RANGAP1: variants seen among roughly 807,000 people sequenced by gnomAD.
RANGAP1 encodes ran GTPase-activating protein 1.
In RANGAP1, 38 loss-of-function variants were observed where a neutral mutation model predicts 63.5. The ratio of observed to expected loss-of-function variants is 0.60; its 90% CI spans 0.46 to 0.78. The LOEUF (loss-of-function observed/expected upper bound fraction) is 0.78, where lower values mean the gene tolerates loss of function less well. Ranked by LOEUF, RANGAP1 falls within the 30% of genes least tolerant of loss-of-function variation. RANGAP1 has a pLI of 0.00. For synonymous variants in RANGAP1, 329 were observed against 310.5 expected (o/e 1.06, Z -0.63); for missense variants, 630 against 740.3 (o/e 0.85, Z 1.73).
chr22:41,279,654 T>G (rs1301082028), intron 2 of RANGAP1, among the ~76,000 whole-genome samples: 1 of 149,936 alleles, frequency 6.7e-6, no homozygotes, highest in Non-Finnish European at 1.5e-5. Context: ...AAAAAAAAAT[T>G]AGCCAGGCGT....
chr22:41,266,561 C>T (rs985210675), intron 4 of RANGAP1, among the ~76,000 whole-genome samples: 5 of 152,072 alleles, frequency 3.3e-5, no homozygotes, highest in African/African-American at 1.2e-4. Flanking sequence ...GATGGAGTCT[C>T]GCTTTCTCTC....
chr22:41,253,012 G>T, intron 11 of RANGAP1, 21 bp from the exon 12 acceptor site: 1 of 1,436,228 alleles, frequency 7.0e-7, no homozygotes. Context: ...GGGGCACAGA[G>T]GCTCTGGAGA....
intron 7 of RANGAP1, 36 bp from the exon 8 acceptor site, chr22:41,256,860 C>G (rs2033872633): frequency 6.4e-7 from 1 of 1,555,540 alleles, no homozygotes; most frequent in Non-Finnish European, 8.8e-7. Flanking sequence ...AGTGAGGGTG[C>G]AGACCACACC....
At chr22:41,301,065 G>A in the RANGAP1 span, among the ~76,000 whole-genome samples, 1 of 152,124 alleles carries the variant, frequency 6.6e-6, no homozygotes, top group East Asian at 1.9e-4. Flanking sequence ...CGGCCTTGTA[G>A]TCTTTAACAA....
chr22:41,281,600 GC>G, intron 1 of RANGAP1: 2 of 987,406 alleles, frequency 2.0e-6, no homozygotes, highest in South Asian at 4.7e-5. Flanking sequence ...ACAGGGGTCA[GC>G]CCCACTGCAC....
chr22:41,274,577 C>A (rs1256464943), intron 3 of RANGAP1, 23 bp downstream of exon 3: 2 of 1,613,422 alleles, frequency 1.2e-6, no homozygotes, highest in South Asian at 2.2e-5. Flanking sequence ...CCAGCCTGGG[C>A]CTACTCGCCC....
chr22:41,254,398 C>CTCTTCTTCCTCCTCTTCCTCA lies in RANGAP1; in HGVS notation c.1149_1169dup (p.Asp383_Glu389dup). ...GAGGCTCTTCTTCCTCCTCCTCCTC[C>CTCTTCTTCCTCCTCTTCCTCA]TCTTCTTCCTCCTCTTCCTCATCTT... On this transcript the variant is annotated inframe_insertion, in exon 11 of 16. Transcript: ENST00000356244. 1 of 1,607,768 alleles carries CTCTTCTTCCTCCTCTTCCTCA rather than the reference C, an allele frequency of 6.2e-7. No homozygotes were observed. The highest frequency in any genetic ancestry group is 2.2e-5 in the East Asian group (1 of 44,696).
chr22:41,249,663 C>T (rs909798721), intron 14 of RANGAP1, 66 bp downstream of exon 14: 3 of 1,562,936 alleles, frequency 1.9e-6, no homozygotes, highest in Non-Finnish European at 2.6e-6. Flanking sequence ...GCGGGCATGG[C>T]TGGGGCAGCT....
chr22:41,277,681 G>A (rs965303325), intron 2 of RANGAP1, among the ~76,000 whole-genome samples: 1 of 152,184 alleles, frequency 6.6e-6, no homozygotes, highest in African/African-American at 2.4e-5. Context: ...CAGAACCCAA[G>A]GATGGCTCAC....
At chr22:41,247,064 T>A (rs1305294184) in intron 15 of RANGAP1, among the ~76,000 whole-genome samples, 3 of 149,878 alleles carry the variant, frequency 2.0e-5, no homozygotes, top group African/African-American at 7.3e-5. Context: ...TTTCTTTTTC[T>A]TTTTTTTTTG....
intron 15 of RANGAP1, among the ~76,000 whole-genome samples, chr22:41,248,131 A>T (rs114387842): frequency 0.022 from 3,109 of 139,696 alleles, 116 homozygotes; most frequent in African/African-American, 0.078. Context: ...AAAGCTCGGC[A>T]CTGCAGCAAC....
At chr22:41,255,944 A>T in intron 10 of RANGAP1, 77 bp downstream of exon 10, 1 of 1,409,200 alleles carries the variant, frequency 7.1e-7, no homozygotes, top group Non-Finnish European at 9.9e-7. Flanking sequence ...ACAGAGCAAG[A>T]CTCCATCTCA....
intron 3 of RANGAP1, among the ~76,000 whole-genome samples, chr22:41,274,069 C>A (rs1482057294): frequency 6.6e-6 from 1 of 152,214 alleles, no homozygotes; most frequent in Non-Finnish European, 1.5e-5. Context: ...CAGAGTGAGA[C>A]TCCGTCTCAA....
Position 41,246,441 on chromosome 22 carries a change from C to G in RANGAP1, c.*162G>C, listed in dbSNP as rs534776259. 2.1e-4 allele frequency: 145 copies of G among 705,562 alleles called. No individual in the cohort carries two copies. In the African/African-American group the frequency reaches 2.1e-3, roughly 10 times the overall value. 43.7% of individuals were successfully genotyped at this position (705,562 alleles called of 1,614,324 possible). ...GGCACAGACCTGCACATGCGCCACA[C>G]CCACACACATACTCAGGGGACTGAC... On this transcript the variant is annotated 3_prime_UTR_variant, in exon 16 of 16. Coordinates refer to ENST00000356244, the MANE Select transcript of RANGAP1 (RefSeq NM_002883.4).
In RANGAP1 at chr22:41,257,939, T is replaced by C; in HGVS notation, c.774+9A>G. 6.3e-7 allele frequency: 1 copy of C among 1,591,526 alleles called. No homozygotes were observed. The stretch of plus-strand genomic sequence containing the variant: ...CGGGGCCCAACTGGCTCTGCCACAC[T>C]CGCCTCACCTCGGCCATGGCCACGG... On this transcript the variant is annotated intron_variant, in intron 7 of 15. Coordinates refer to ENST00000356244, the MANE Select transcript of RANGAP1 (RefSeq NM_002883.4). This position sits in a 1 kb window ranked among gnomAD's most constrained non-coding sequence, Gnocchi z 4.0.
At chr22:41,289,745 G>A (rs2035816654), upstream of RANGAP1, among the ~76,000 whole-genome samples, 2 of 152,198 alleles carry the variant, frequency 1.3e-5, no homozygotes, top group African/African-American at 4.8e-5. Flanking sequence ...CCTGGCCCAA[G>A]AAGTGTAATC....
chr22:41,294,956 C>T, the RANGAP1 span, among the ~76,000 whole-genome samples: 1 of 127,238 alleles, frequency 7.9e-6, no homozygotes, highest in Non-Finnish European at 1.7e-5. Flanking sequence ...GCCCGGCCAG[C>T]CGCCCCATCT....
chr22:41,267,399 G>A (rs1256320773), intron 4 of RANGAP1, among the ~76,000 whole-genome samples: 1 of 152,120 alleles, frequency 6.6e-6, no homozygotes, highest in Non-Finnish European at 1.5e-5. Flanking sequence ...ACATCAATGT[G>A]CACACTCATC....
rs73430533 is a variant in RANGAP1 at position 41,254,237 on chromosome 22, T to A, written c.1260+71A>T. 4,266 of 1,565,998 alleles carry A rather than the reference T, an allele frequency of 2.7e-3. 121 individuals carry two copies. In the African/African-American group the frequency reaches 0.052, roughly 19 times the overall value. On this transcript the variant is annotated intron_variant, in intron 11 of 15. Coordinates refer to ENST00000356244, the MANE Select transcript of RANGAP1 (RefSeq NM_002883.4). ...GCTTAAGGAGACACCCCCTACCCCA[T>A]TGTGAAAGTGCCTCGGGATTTCACG... is the stretch of plus-strand genomic sequence containing the variant.
Sources: allele counts gnomAD v4.1 joint callset (sites outside exome capture counted in the v4.1 genomes callset), GRCh38; gene constraint gnomAD v4.1.1; non-coding constraint Gnocchi (gnomAD v3.1); transcripts MANE v1.5; gene names NCBI Gene and HGNC (gene_info 2026-07-23, HGNC 2026-07-21).